PAK6: variants seen among roughly 807,000 people sequenced by gnomAD.
PAK6 encodes the protein p21 (RAC1) activated kinase 6, also known as serine/threonine-protein kinase PAK 6.
Under a neutral mutation model 60.8 loss-of-function variants are expected in PAK6, and 33 were observed. The ratio of observed to expected loss-of-function variants is 0.54; its 90% CI spans 0.41 to 0.73. PAK6 has a LOEUF of 0.73. Among genes scored for constraint, PAK6 ranks in the 30% least tolerant of loss-of-function variants. The pLI, the probability that PAK6 is intolerant of heterozygous loss-of-function variation, is 0.00. For missense variants in PAK6, 845 were observed against 904.1 expected, an observed-to-expected ratio of 0.93 and a Z score of 0.84; for synonymous variants, 404 against 378.5, an observed-to-expected ratio of 1.07 and a Z score of -0.78.
chr15:40,276,216 C>T lies in PAK6; in HGVS notation c.*122C>T, dbSNP rs568122908. 1.0e-3 allele frequency: 985 copies of T among 981,076 alleles called. 16 individuals carry two copies. In the South Asian group the frequency reaches 0.014, roughly 14 times the overall value. 60.8% of individuals were successfully genotyped at this position (981,076 alleles called of 1,614,324 possible). A position where few individuals can be genotyped will look rare whatever the true frequency, so the allele number is the denominator to read the frequency against. On this transcript the variant is annotated 3_prime_UTR_variant, in exon 11 of 11. Transcript: ENST00000560346. ...TCTCTCCAAAGATTGAAATGTGAAG[C>T]CCCAGCCCCACCCTCTGCCCTTCAG...
chr15:40,272,453 A>T, exon 6 of PAK6: 1 of 1,613,630 alleles, frequency 6.2e-7, no homozygotes. Flanking sequence ...AGCACCAGCA[A>T]CCTGTACCTG....
At chr15:40,273,028 G>A (rs368233991) in intron 7 of PAK6, 29 bp downstream of exon 7, 20 of 1,610,324 alleles carry the variant, frequency 1.2e-5, no homozygotes, top group Non-Finnish European at 1.7e-5. Flanking sequence ...TGGACCCTGA[G>A]TGCAGGCTGC....
exon 11 of PAK6, chr15:40,275,968 G>A: frequency 6.2e-7 from 1 of 1,613,372 alleles, no homozygotes; most frequent in Non-Finnish European, 8.5e-7. Flanking sequence ...GGATGCTGGT[G>A]CGGGACCCCC....
At chr15:40,252,582 A>G (rs369650878) in intron 2 of PAK6, 30 of 1,357,722 alleles carry the variant, frequency 2.2e-5, no homozygotes, top group South Asian at 1.1e-5. Flanking sequence ...CGCTGCACCA[A>G]CGTGTAAGCG....
chr15:40,250,708 C>T (rs1239343992), intron 2 of PAK6: 1 of 152,172 alleles, frequency 6.6e-6, no homozygotes, highest in Non-Finnish European at 1.5e-5. Context: ...TAGTTCTGTT[C>T]AAAAGTACTG....
At chr15:40,267,684 G>C (rs1393729496) in intron 5 of PAK6, among the ~76,000 whole-genome samples, 1 of 152,106 alleles carries the variant, frequency 6.6e-6, no homozygotes. Context: ...AGAAAGTTCT[G>C]AGCTTTGTGC....
intron 1 of PAK6, 57 bp from the exon 2 acceptor site, chr15:40,240,542 A>G: frequency 2.4e-6 from 1 of 413,804 alleles, no homozygotes; most frequent in Non-Finnish European, 4.7e-6. Context: ...GGGTGAGAAA[A>G]GCACTGAGGT....
intron 2 of PAK6, among the ~76,000 whole-genome samples, chr15:40,244,754 C>T (rs1872800912): frequency 6.6e-6 from 1 of 152,166 alleles, no homozygotes; most frequent in East Asian, 1.9e-4. Flanking sequence ...AATCCTAAAG[C>T]TTATTCACCT....
At chr15:40,249,875 T>C (rs557881860) in intron 2 of PAK6, among the ~76,000 whole-genome samples, 1 of 152,350 alleles carries the variant, frequency 6.6e-6, no homozygotes, top group East Asian at 1.9e-4. Context: ...GCCTCTGAGA[T>C]GGCACCACTC....
exon 6 of PAK6, chr15:40,272,448 C>G (rs1270086923): frequency 1.2e-6 from 2 of 1,613,600 alleles, no homozygotes; most frequent in Non-Finnish European, 1.7e-6. Context: ...AGATCAGCAC[C>G]AGCAACCTGT....
intron 3 of PAK6, chr15:40,264,472 G>C (rs1043392708): frequency 1.9e-6 from 1 of 521,868 alleles, no homozygotes; most frequent in Admixed American, 2.3e-5. Flanking sequence ...AATGGGCTTT[G>C]GATTTTATAA....
chr15:40,242,150 A>C (rs1329425960), intron 2 of PAK6, among the ~76,000 whole-genome samples: 2 of 151,998 alleles, frequency 1.3e-5, no homozygotes, highest in Non-Finnish European at 2.9e-5. Flanking sequence ...GGAAAGGAAA[A>C]GGCTGCCTGG....
chr15:40,272,087 G>A, intron 5 of PAK6, 137 bp from the exon 6 acceptor site: 1 of 917,714 alleles, frequency 1.1e-6, no homozygotes, highest in Non-Finnish European at 1.7e-6. Context: ...TTTGCTCAGA[G>A]CACCTCCCTA....
chr15:40,242,821 G>A lies in PAK6; in HGVS notation c.-118+2140G>A, dbSNP rs188756383. 2.7e-3 allele frequency among the ~76,000 whole-genome samples: 416 copies of A among 152,288 alleles called. 2 individuals are homozygous for A. The highest frequency in any genetic ancestry group is 9.4e-3 in the African/African-American group (392 of 41,542). On this transcript the variant is annotated intron_variant, in intron 2 of 10. Coordinates refer to ENST00000560346, the Ensembl canonical transcript of PAK6. ...GTGTCTCTTCCTGGGAGGGTGTGGG[G>A]TCCAGGCAGCACCTTGTTCTGGCGC...
At chr15:40,273,356 G>A (rs377397005) in exon 8 of PAK6, 5 of 1,613,682 alleles carry the variant, frequency 3.1e-6, no homozygotes, top group African/African-American at 1.3e-5. Flanking sequence ...GCTGAATGAG[G>A]AGCAGATTGC....
rs759812597 is a variant in PAK6, at chr15:40,272,859, C to T, written c.1357-7C>T. 15 of 1,612,698 alleles carry T rather than the reference C, an allele frequency of 9.3e-6. No homozygotes were observed. Among genetic ancestry groups the T allele is most frequent in the South Asian group, 4.4e-5 (4 of 90,974 alleles). ...TGCCTGGCACTCAGGCCCCCGCCTGCCCCCAGGTGGTGATCATGCGGGACT... is the reference window on the plus strand; with the variant it reads ...TGCCTGGCACTCAGGCCCCCGCCTGTCCCCAGGTGGTGATCATGCGGGACT... On this transcript the variant is annotated splice_polypyrimidine_tract_variant and splice_region_variant and intron_variant, in intron 6 of 10. Coordinates refer to ENST00000560346, the Ensembl canonical transcript of PAK6.
chr15:40,272,977 A>G, exon 7 of PAK6: 1 of 1,613,848 alleles, frequency 6.2e-7, no homozygotes, highest in Non-Finnish European at 8.5e-7. Context: ...AGGAGCCCTC[A>G]CAGACATCGT....
At chr15:40,243,026 G>A (rs796558883) in intron 2 of PAK6, among the ~76,000 whole-genome samples, 5 of 152,284 alleles carry the variant, frequency 3.3e-5, no homozygotes, top group East Asian at 3.9e-4. Context: ...AGAAACAAGC[G>A]GAGCCACAAA....
chr15:40,266,337 G>C (rs771616530), exon 5 of PAK6: 1 of 1,612,320 alleles, frequency 6.2e-7, no homozygotes, highest in African/African-American at 1.3e-5. Context: ...GTCCTGCCTG[G>C]TGGGCTCAGC....
Sources: gnomAD v4.1 joint callset for allele counts (sites outside exome capture counted in the v4.1 genomes callset) on GRCh38, gnomAD v4.1.1 for gene constraint, MANE v1.5 for transcripts, NCBI Gene and HGNC (gene_info 2026-07-23, HGNC 2026-07-21) for gene names.